The following PRDM16 variants were observed in gnomAD, a reference collection of about 807,000 sequenced individuals.
The protein encoded by PRDM16 is PR/SET domain 16, also known as histone-lysine N-methyltransferase PRDM16.
Under a neutral mutation model 110.6 loss-of-function variants are expected in PRDM16, and 23 were observed. The observed-to-expected ratio is 0.21, with a 90% CI of 0.15 to 0.29. The LOEUF (loss-of-function observed/expected upper bound fraction) is 0.29, where lower values mean the gene tolerates loss of function less well. Among genes scored for constraint, PRDM16 ranks in the 10% least tolerant of loss-of-function variants. The pLI, the probability that PRDM16 is intolerant of heterozygous loss-of-function variation, is 1.00. For missense variants in PRDM16, 1,615 were observed against 1,794.3 expected (o/e 0.90, Z 1.81); for synonymous variants, 799 against 781.8 (o/e 1.02, Z -0.37).
intron 2 of PRDM16, among the ~76,000 whole-genome samples, chr1:3,212,561 C>T (rs1638912004): frequency 6.6e-6 from 1 of 152,314 alleles, no homozygotes; most frequent in African/African-American, 2.4e-5. Context: ...CGCCTGCACC[C>T]CAGAGTCTTT....
At chr1:3,351,830 T>TG (rs1489511577) in intron 3 of PRDM16, among the ~76,000 whole-genome samples, 8 of 147,178 alleles carry the variant, frequency 5.4e-5, no homozygotes, top group Admixed American at 4.1e-4. Flanking sequence ...TCCAGCCATT[T>TG]GGGGGGTTCC....
intron 3 of PRDM16, among the ~76,000 whole-genome samples, chr1:3,297,045 A>G (rs976240412): frequency 1.3e-5 from 2 of 152,114 alleles, no homozygotes; most frequent in African/African-American, 4.8e-5. Flanking sequence ...TAAAAACCAT[A>G]ATGGCTGCGT....
rs763268700 is a variant in PRDM16, at chr1:3,411,830, G to A, written c.1633G>A (p.Ala545Thr). 14 of 1,610,716 alleles carry A rather than the reference G, an allele frequency of 8.7e-6. No individual in the cohort carries two copies. The highest frequency in any genetic ancestry group is 5.0e-5 in the Admixed American group (3 of 59,910). The change falls in exon 9 of 17, where the codon GCC (alanine) becomes ACC (threonine). Residue 545 changes from alanine (A) to threonine (T), a missense_variant. Ala to Thr is a moderately conservative substitution (Grantham distance 58). Around this residue, in one of 5 missense-constraint regions of PRDM16, gnomAD observed 772 missense variants for 748.3 expected, o/e 1.03. Transcript: ENST00000270722. Reference protein sequence around the residue: ...LKSPLNHTQDAKLPSPLGNPA... With the variant: ...LKSPLNHTQDTKLPSPLGNPA... ...GAGCCCCCTGAACCACACCCAGGAC[G>A]CCAAGCTCCCCAGTCCCCTGGGGAA...
rs193196433 is a variant in PRDM16 at position 3,268,294 on chromosome 1, C to G, written c.438+24157C>G. On this transcript the variant is annotated intron_variant, in intron 3 of 16. Transcript: ENST00000270722. ...AGAAGGGCAGAGTCTTTGTCAGGCT[C>G]CGAGCAATTAGGATAATTAAAAAAG... Among the ~76,000 whole-genome samples the G allele has an allele frequency of 3.1e-3, 468 of 152,332 alleles. 3 individuals are homozygous for G. Among genetic ancestry groups the G allele is most frequent in the African/African-American group, 0.011 (445 of 41,576 alleles).
chr1:3,155,757 G>A (rs1308283356), intron 1 of PRDM16, among the ~76,000 whole-genome samples: 1 of 152,212 alleles, frequency 6.6e-6, no homozygotes, highest in Admixed American at 6.5e-5. Flanking sequence ...GTGGTTGCAA[G>A]GCTTCGGGGA....
At chr1:3,373,535 C>A (rs573550765) in intron 3 of PRDM16, among the ~76,000 whole-genome samples, 3 of 152,190 alleles carry the variant, frequency 2.0e-5, no homozygotes, top group African/African-American at 7.2e-5. Context: ...CATGGAAATC[C>A]GTCTCTGTGC....
chr1:3,237,358 TCCCCACCCCCACTTCGGGA>T (rs982282791), intron 2 of PRDM16, among the ~76,000 whole-genome samples: 1 of 151,776 alleles, frequency 6.6e-6, no homozygotes, highest in Non-Finnish European at 1.5e-5. Context: ...CCTCCTGGGC[TCCCCACCCCCACTTCGGGA>T]CCCCACCCCC....
At chr1:3,210,054 A>T (rs1638845344) in intron 2 of PRDM16, among the ~76,000 whole-genome samples, 1 of 152,230 alleles carries the variant, frequency 6.6e-6, no homozygotes, top group Admixed American at 6.5e-5. Flanking sequence ...TTAACATCTT[A>T]CTATTAACTG....
In PRDM16 at chr1:3,255,230, T is replaced by G. The variant is rs1348412747; in HGVS notation, c.438+11093T>G. Among the ~76,000 whole-genome samples the G allele has an allele frequency of 1.3e-5, 2 of 152,026 alleles. No individual in the cohort carries two copies. The highest frequency in any genetic ancestry group is 2.9e-5 in the Non-Finnish European group (2 of 67,994). On this transcript the variant is annotated intron_variant, in intron 3 of 16. Coordinates refer to ENST00000270722, the MANE Select transcript of PRDM16 (RefSeq NM_022114.4). This position sits in a 1 kb window ranked among gnomAD's most constrained non-coding sequence, Gnocchi z 4.7. ...TAGAAGAAAACCTAGGCATTACCATTCAGGACATAGGCATGGGCAAGGACT... is the reference window on the plus strand; with the variant it reads ...TAGAAGAAAACCTAGGCATTACCATGCAGGACATAGGCATGGGCAAGGACT...
chr1:3,323,548 G>C (rs575022574), intron 3 of PRDM16, among the ~76,000 whole-genome samples: 2 of 152,222 alleles, frequency 1.3e-5, no homozygotes, highest in Non-Finnish European at 2.9e-5. Flanking sequence ...GAGGAAGTCC[G>C]TGAGGATCAG....
chr1:3,133,935 C>G (rs531352333), intron 1 of PRDM16, among the ~76,000 whole-genome samples: 20 of 152,360 alleles, frequency 1.3e-4, no homozygotes, highest in African/African-American at 4.8e-4. Flanking sequence ...ATAGGGCCAT[C>G]TGAGAGCAGC....
chr1:3,277,425 A>G (rs1553285), intron 3 of PRDM16, among the ~76,000 whole-genome samples: 6 of 152,260 alleles, frequency 3.9e-5, no homozygotes, highest in Admixed American at 1.3e-4. Flanking sequence ...CCAGGGCCCT[A>G]CCCTGCCATG....
chr1:3,394,029 C>T (rs1468955003), intron 4 of PRDM16, among the ~76,000 whole-genome samples: 2 of 152,118 alleles, frequency 1.3e-5, no homozygotes, highest in South Asian at 4.1e-4. Flanking sequence ...GGGCAGTGTC[C>T]GCGCCGGAGG....
chr1:3,378,408 G>A (rs1538693), intron 3 of PRDM16, among the ~76,000 whole-genome samples: 104,918 of 151,958 alleles, frequency 0.69, 36,477 homozygotes, highest in Middle Eastern at 0.78. Context: ...TCCAGAGGAC[G>A]TGAAATCTTG....
At chr1:3,259,088 C>T (rs866963196) in intron 3 of PRDM16, among the ~76,000 whole-genome samples, 8 of 152,226 alleles carry the variant, frequency 5.3e-5, no homozygotes, top group Admixed American at 4.6e-4. Context: ...GAAGGAAGGC[C>T]TGGATTGGCG....
At chr1:3,189,169 G>C (rs1450982848) in intron 2 of PRDM16, among the ~76,000 whole-genome samples, 3 of 152,338 alleles carry the variant, frequency 2.0e-5, no homozygotes, top group South Asian at 4.1e-4. Flanking sequence ...GGAACACCAG[G>C]CTTCAGGGCT....
rs1211762471 is a variant in PRDM16 at position 3,243,037 on chromosome 1, G to A, written c.388-1050G>A. On this transcript the variant is annotated intron_variant, in intron 2 of 16. Coordinates refer to ENST00000270722, the MANE Select transcript of PRDM16 (RefSeq NM_022114.4). This position sits in a 1 kb window ranked among gnomAD's most constrained non-coding sequence, Gnocchi z 5.5. Reference sequence around the variant, plus strand: ...TGGAGTGCAGCCTGGTGGCTTTTAAGAGGAGACACCCGGCGAAATGCTCTC... The same window carrying A: ...TGGAGTGCAGCCTGGTGGCTTTTAAAAGGAGACACCCGGCGAAATGCTCTC... Among the ~76,000 whole-genome samples the A allele has an allele frequency of 6.6e-6, 1 of 152,220 alleles. No individual in the cohort carries two copies. Among genetic ancestry groups the A allele is most frequent in the Non-Finnish European group, 1.5e-5 (1 of 68,034 alleles).
intron 2 of PRDM16, among the ~76,000 whole-genome samples, chr1:3,199,762 C>T (rs1046856547): frequency 1.2e-4 from 18 of 152,332 alleles, no homozygotes; most frequent in Middle Eastern, 6.8e-3. Context: ...AGGGGCCCTC[C>T]GGGACAGGAC....
intron 3 of PRDM16, among the ~76,000 whole-genome samples, chr1:3,272,593 A>G (rs1640483914): frequency 6.6e-6 from 1 of 152,170 alleles, no homozygotes; most frequent in Admixed American, 6.5e-5. Context: ...GGGGACATTC[A>G]TGCTCCACCC....
Sources: allele counts gnomAD v4.1 joint callset (sites outside exome capture counted in the v4.1 genomes callset), GRCh38; gene constraint gnomAD v4.1.1; regional missense constraint gnomAD v4.1.1; non-coding constraint Gnocchi (gnomAD v3.1); transcripts MANE v1.5; gene names NCBI Gene and HGNC (gene_info 2026-07-23, HGNC 2026-07-21).